The following PLEKHM2 variants were observed in gnomAD, a reference collection of about 807,000 sequenced individuals.
PLEKHM2 encodes pleckstrin homology and RUN domain containing M2, also known as pleckstrin homology domain-containing family M member 2.
PLEKHM2 carries 77 observed loss-of-function variants against 116.3 expected under a neutral mutation model. The ratio of observed to expected loss-of-function variants is 0.66; its 90% CI spans 0.55 to 0.80. PLEKHM2 has a LOEUF of 0.80. Among genes scored for constraint, PLEKHM2 ranks in the 30% least tolerant of loss-of-function variants. The pLI, the probability that PLEKHM2 is intolerant of heterozygous loss-of-function variation, is 0.00. For synonymous variants in PLEKHM2, 562 were observed against 571.0 expected (o/e 0.98, Z 0.22); for missense variants, 1,183 against 1,354.9 (o/e 0.87, Z 1.99).
Position 15,721,359 on chromosome 1 carries a change from T to C in PLEKHM2, c.683T>C (p.Val228Ala), listed in dbSNP as rs928365875. The C allele has an allele frequency of 1.3e-6, 2 of 1,571,568 alleles. No homozygotes were observed. ...GATTTTGGAGATGTGTTTCCAGCAGTGCCGTCTGTACCCAGCACAGACTGG... is the reference window on the plus strand; with the variant it reads ...GATTTTGGAGATGTGTTTCCAGCAGCGCCGTCTGTACCCAGCACAGACTGG... Reference protein sequence around the residue: ...DYDFGDVFPAVPSVPSTDWED... With the variant: ...DYDFGDVFPAAPSVPSTDWED... The change falls in exon 7 of 20, where the codon GTG becomes GCG. Residue 228 changes from valine (V) to alanine (A), a missense_variant. Val to Ala is a moderately conservative substitution (Grantham distance 64). Transcript: ENST00000375799. The surrounding 1 kb of genome is among the most constrained non-coding windows in gnomAD (Gnocchi z 5.1).
rs2068200931 is a variant in PLEKHM2 at position 15,734,761 on chromosome 1, T to C, written c.*827T>C. 1 of 152,198 alleles carries C rather than the reference T, an allele frequency of 6.6e-6. No homozygotes were observed. The highest frequency in any genetic ancestry group is 1.5e-5 in the Non-Finnish European group (1 of 68,060). The allele number at this position is 152,198 out of a possible 1,614,324, so 9.4% of individuals were successfully genotyped here. On this transcript the variant is annotated 3_prime_UTR_variant, in exon 20 of 20. Transcript: ENST00000375799. The stretch of plus-strand genomic sequence containing the variant: ...TTTTTAAAATAAAATAGACATGTTA[T>C]ATTGCCAAGGCTTGTCACTGGCCCT...
rs758047177 is a variant in PLEKHM2 at position 15,719,774 on chromosome 1, A to C, written c.506A>C (p.Tyr169Ser). 5 of 1,613,360 alleles carry C rather than the reference A, an allele frequency of 3.1e-6. No individual in the cohort carries two copies. The African/African-American group carries it at 6.7e-5, about 22-fold the overall frequency. Residue 169 changes from tyrosine (Y) to serine (S), a missense_variant, in exon 6 of 20, where the codon TAC (tyrosine) becomes TCC (serine). Physicochemically the swap from Tyr to Ser is moderately radical, Grantham distance 144. This residue lies in a region of PLEKHM2 where 217 missense variants were observed against 277.6 expected (regional missense o/e 0.78). Coordinates refer to ENST00000375799, the MANE Select transcript of PLEKHM2 (RefSeq NM_015164.4). This position sits in a 1 kb window ranked among gnomAD's most constrained non-coding sequence, Gnocchi z 4.1. ...YLDLAPYMPD[Y>S]YKPQYLLDFE... ...GACCTGGCCCCCTACATGCCCGACT[A>C]CTACAAACCTCAGTACCTGCTGGAC...
chr1:15,690,394 G>A (rs1257768694), intron 1 of PLEKHM2, among the ~76,000 whole-genome samples: 2 of 152,156 alleles, frequency 1.3e-5, no homozygotes, highest in Admixed American at 6.5e-5. Flanking sequence ...GTTTCTTCAA[G>A]CTCCAACTTT....
chr1:15,732,006 G>A lies in PLEKHM2; in HGVS notation c.2583G>A (p.Met861Ile). 7.4e-6 allele frequency: 12 copies of A among 1,612,464 alleles called. No individual in the cohort carries two copies. The highest frequency in any genetic ancestry group is 2.2e-5 in the East Asian group (1 of 44,876). The change falls in exon 17 of 20, where the codon ATG becomes ATA. Residue 861 changes from methionine (M) to isoleucine (I), a missense_variant. Physicochemically the swap from Met to Ile is conservative, Grantham distance 10 (BLOSUM62 1). This residue lies in a region of PLEKHM2 where 594 missense variants were observed against 720.1 expected (regional missense o/e 0.82). Transcript: ENST00000375799. ...TAAGTGCCGAGAGCGAGGCCGAGAT[G>A]GCCGAGTGGATGCAGCATCTCTGCC... Reference protein sequence around the residue: ...LELSAESEAEMAEWMQHLCQA... With the variant: ...LELSAESEAEIAEWMQHLCQA...
In PLEKHM2 at chr1:15,727,969, T is replaced by G; in HGVS notation, c.1761-110T>G. ...AGGGGTGTGAGCCTCCCTCCCTAAC[T>G]TTGGCTCCTAGTGGGAGGCGGAGGC... On this transcript the variant is annotated intron_variant, in intron 9 of 19. Transcript: ENST00000375799. The surrounding 1 kb of genome is among the most constrained non-coding windows in gnomAD (Gnocchi z 7.5). The G allele has an allele frequency of 2.5e-6, 3 of 1,212,626 alleles. No individual in the cohort carries two copies. In the South Asian group the frequency reaches 3.9e-5, roughly 16 times the overall value. The allele number at this position is 1,212,626 out of a possible 1,614,324, so 75.1% of individuals were successfully genotyped here. A position where few individuals can be genotyped will look rare whatever the true frequency, so the allele number is the denominator to read the frequency against.
intron 7 of PLEKHM2, among the ~76,000 whole-genome samples, chr1:15,724,848 C>T (rs2068041082): frequency 6.6e-6 from 1 of 152,196 alleles, no homozygotes; most frequent in Non-Finnish European, 1.5e-5. Context: ...TTGGGCACCT[C>T]TCAGCCCTAC....
Position 15,727,513 on chromosome 1 carries a change from C to T in PLEKHM2, c.1441C>T (p.His481Tyr), listed in dbSNP as rs1238826408. 8 of 1,581,096 alleles carry T rather than the reference C, an allele frequency of 5.1e-6. No homozygotes were observed. The highest frequency in any genetic ancestry group is 6.9e-6 in the Non-Finnish European group (8 of 1,164,320). The change falls in exon 9 of 20, where the codon CAC becomes TAC. Residue 481 changes from histidine (H) to tyrosine (Y), a missense_variant. This residue lies in a region of PLEKHM2 where 594 missense variants were observed against 720.1 expected (regional missense o/e 0.82). Coordinates refer to ENST00000375799, the MANE Select transcript of PLEKHM2 (RefSeq NM_015164.4). This position sits in a 1 kb window ranked among gnomAD's most constrained non-coding sequence, Gnocchi z 7.5. Reference sequence around the variant, plus strand: ...AAGCACTGTTACATCAGGTGGCGGCCACCATGACCCTGCAGGGCTTGGCCA... The same window carrying T: ...AAGCACTGTTACATCAGGTGGCGGCTACCATGACCCTGCAGGGCTTGGCCA... The part of the protein sequence containing the change: ...SPSTVTSGGG[H>Y]HDPAGLGQPL...
At chr1:15,732,798 AACCC>A in intron 19 of PLEKHM2, 70 bp downstream of exon 19, 4 of 1,032,688 alleles carry the variant, frequency 3.9e-6, no homozygotes, top group Non-Finnish European at 5.8e-6. Context: ...CGGGGAGAGG[AACCC>A]CTGCTGCTCC....
chr1:15,731,006 G>A (rs1298858572), intron 15 of PLEKHM2, among the ~76,000 whole-genome samples, 186 bp from the exon 16 acceptor site: 1 of 152,126 alleles, frequency 6.6e-6, no homozygotes, highest in Non-Finnish European at 1.5e-5. Flanking sequence ...TGCTGAGGTG[G>A]CCACATTCCC....
chr1:15,716,788 G>A lies in PLEKHM2; in HGVS notation c.249G>A (p.Leu83=), dbSNP rs1285411049. 6.4e-7 allele frequency: 1 copy of A among 1,570,006 alleles called. No homozygotes were observed. Among genetic ancestry groups the A allele is most frequent in the Non-Finnish European group, 8.6e-7 (1 of 1,157,516 alleles). Residue 83 remains leucine, a synonymous_variant, in exon 3 of 20, where the codon CTG becomes CTA. Coordinates refer to ENST00000375799, the MANE Select transcript of PLEKHM2 (RefSeq NM_015164.4). ...AGGCCATCAAGCAGATCGAGGTGCTGCAGCACGTGGCCACCAACCTGGGGC... is the reference window on the plus strand; with the variant it reads ...AGGCCATCAAGCAGATCGAGGTGCTACAGCACGTGGCCACCAACCTGGGGC... The part of the protein sequence containing the change: ...RREAIKQIEV[L]QHVATNLGRS...
chr1:15,727,360 G>A lies in PLEKHM2; in HGVS notation c.1288G>A (p.Ala430Thr), dbSNP rs1422854337. 1 of 1,599,750 alleles carries A rather than the reference G, an allele frequency of 6.3e-7. No individual in the cohort carries two copies. Among genetic ancestry groups the A allele is most frequent in the African/African-American group, 1.3e-5 (1 of 74,638 alleles). ...GGACCCCAGCACCTGGTGCTCCCGT[G>A]CTGAGCCCCCAGACCAGTCCTTTCG... is the stretch of plus-strand genomic sequence containing the variant. The part of the protein sequence containing the change: ...QLDPSTWCSR[A>T]EPPDQSFRTG... The change falls in exon 9 of 20, where the codon GCT becomes ACT. Residue 430 changes from alanine (A) to threonine (T), a missense_variant. By Grantham distance (58) the Ala-to-Thr change is moderately conservative. Coordinates refer to ENST00000375799, the MANE Select transcript of PLEKHM2 (RefSeq NM_015164.4). This position sits in a 1 kb window ranked among gnomAD's most constrained non-coding sequence, Gnocchi z 7.5.
intron 1 of PLEKHM2, among the ~76,000 whole-genome samples, chr1:15,689,083 T>C (rs1640834875): frequency 6.6e-6 from 1 of 151,866 alleles, no homozygotes; most frequent in African/African-American, 2.4e-5. Context: ...ACCCCATCTC[T>C]ATTAAAAATA....
At chr1:15,693,365 T>C (rs878967836) in intron 1 of PLEKHM2, among the ~76,000 whole-genome samples, 1 of 152,206 alleles carries the variant, frequency 6.6e-6, no homozygotes, top group Admixed American at 6.5e-5. Flanking sequence ...TTTTAAGATA[T>C]GGTTCTCCTT....
chr1:15,692,874 G>A lies in PLEKHM2; in HGVS notation c.60+8256G>A, dbSNP rs537335108. Among the ~76,000 whole-genome samples, 75 of 151,744 alleles carry A rather than the reference G, an allele frequency of 4.9e-4. 1 individual carries two copies. Among genetic ancestry groups the A allele is most frequent in the Non-Finnish European group, 8.7e-4 (59 of 67,936 alleles). ...CCTGCCTCAGCCTCCCAAGTAGCTG[G>A]GATTATAGGCATGCACCACCATGCC... On this transcript the variant is annotated intron_variant, in intron 1 of 19. Coordinates refer to ENST00000375799, the MANE Select transcript of PLEKHM2 (RefSeq NM_015164.4).
Position 15,730,766 on chromosome 1 carries a change from G to C in PLEKHM2, c.2399+44G>C, listed in dbSNP as rs761415224. On this transcript the variant is annotated intron_variant, in intron 15 of 19. Coordinates refer to ENST00000375799, the MANE Select transcript of PLEKHM2 (RefSeq NM_015164.4). The stretch of plus-strand genomic sequence containing the variant: ...CTAGGCCTGGGGCTTGGGCCCTGGG[G>C]TGGCTGGGCTGTCAGGTCCCCAGCG... 138 of 1,504,590 alleles carry C rather than the reference G, an allele frequency of 9.2e-5. 1 individual carries two copies. Among genetic ancestry groups the C allele is most frequent in the Non-Finnish European group, 2.1e-5 (23 of 1,108,392 alleles). The allele number at this position is 1,504,590 out of a possible 1,614,324, so 93.2% of individuals were successfully genotyped here.
chr1:15,716,147 A>G, intron 1 of PLEKHM2, 90 bp from the exon 2 acceptor site: 1 of 791,002 alleles, frequency 1.3e-6, no homozygotes, highest in Non-Finnish European at 2.1e-6. Context: ...CCATTTGACT[A>G]ATTTTTTTTA....
intron 7 of PLEKHM2, among the ~76,000 whole-genome samples, chr1:15,724,858 C>A (rs566147978): frequency 1.6e-4 from 24 of 152,282 alleles, no homozygotes; most frequent in Non-Finnish European, 3.4e-4. Context: ...CTCAGCCCTA[C>A]AAGTGGGGTA....
intron 1 of PLEKHM2, among the ~76,000 whole-genome samples, chr1:15,698,549 C>CTTTTT (rs564918055): frequency 3.6e-5 from 4 of 111,218 alleles, no homozygotes; most frequent in Admixed American, 8.7e-5. Flanking sequence ...TTCTTTCTTT[C>CTTTTT]TTTTTTTTTT....
chr1:15,716,184 G>A (rs1641438620), intron 1 of PLEKHM2, 53 bp from the exon 2 acceptor site: 1 of 1,129,152 alleles, frequency 8.9e-7, no homozygotes, highest in Non-Finnish European at 1.3e-6. Flanking sequence ...CAGAACTTTT[G>A]TAGCCTTCCT....
Sources: gnomAD v4.1 joint callset for allele counts (sites outside exome capture counted in the v4.1 genomes callset) on GRCh38, gnomAD v4.1.1 for gene constraint, gnomAD v4.1.1 regional missense constraint, Gnocchi (gnomAD v3.1) non-coding constraint, MANE v1.5 for transcripts, NCBI Gene and HGNC (gene_info 2026-07-23, HGNC 2026-07-21) for gene names.